TBC1D15: variants seen among roughly 807,000 people sequenced by gnomAD.
TBC1D15 encodes the protein GAP for RAB7.
A neutral mutation model predicts 95.4 loss-of-function variants in TBC1D15; 39 were observed. That is an observed-to-expected ratio of 0.41 (90% CI 0.32 to 0.53). The LOEUF is 0.53. Ranked by LOEUF, TBC1D15 falls within the 20% of genes least tolerant of loss-of-function variation. The pLI is 0.29. For synonymous variants in TBC1D15, 258 were observed against 261.3 expected, an observed-to-expected ratio of 0.99 and a Z score of 0.12; for missense variants, 733 against 794.3, an observed-to-expected ratio of 0.92 and a Z score of 0.93.
At chr12:71,896,338 C>G (rs144410888) in intron 8 of TBC1D15, 1 of 425,200 alleles carries the variant, frequency 2.4e-6, no homozygotes, top group East Asian at 3.9e-5. Context: ...TTCTTCCGTA[C>G]TTGAAGTTCT....
intron 11 of TBC1D15, among the ~76,000 whole-genome samples, chr12:71,909,687 T>C (rs551442932): frequency 2.6e-5 from 4 of 152,290 alleles, no homozygotes; most frequent in Non-Finnish European, 5.9e-5. Flanking sequence ...TTCTTTTTGG[T>C]GTAAGCAAGT....
chr12:71,894,374 A>G (rs140103868), intron 6 of TBC1D15: 1 of 1,612,876 alleles, frequency 6.2e-7, no homozygotes, highest in African/African-American at 1.3e-5. Context: ...CACCACTGGA[A>G]AGTAAGCACT....
At chr12:71,921,321 T>C in intron 15 of TBC1D15, 47 bp from the exon 16 acceptor site, 1 of 1,059,328 alleles carries the variant, frequency 9.4e-7, no homozygotes, top group Non-Finnish European at 1.4e-6. Context: ...TAGAATATAA[T>C]AGTGTATTCA....
intron 5 of TBC1D15, among the ~76,000 whole-genome samples, chr12:71,892,693 T>G (rs766764007): frequency 4.0e-5 from 6 of 151,788 alleles, no homozygotes; most frequent in Non-Finnish European, 7.4e-5. Context: ...GTTAGCATGA[T>G]TAATGATCTT....
chr12:71,842,408 G>A (rs1019014291), intron 1 of TBC1D15, among the ~76,000 whole-genome samples: 1 of 152,178 alleles, frequency 6.6e-6, no homozygotes, highest in Non-Finnish European at 1.5e-5. Flanking sequence ...GGATTAATGA[G>A]TAAATATATT....
intron 6 of TBC1D15, chr12:71,894,409 A>G: frequency 1.2e-6 from 2 of 1,601,544 alleles, no homozygotes; most frequent in African/African-American, 1.3e-5. Context: ...ATGTATGCAG[A>G]TTGAGTGAAG....
chr12:71,912,363 A>G (rs950164153), intron 11 of TBC1D15, among the ~76,000 whole-genome samples: 3 of 152,138 alleles, frequency 2.0e-5, no homozygotes, highest in African/African-American at 7.2e-5. Flanking sequence ...GTGCCCTTTT[A>G]TGCTAAATTG....
intron 3 of TBC1D15, among the ~76,000 whole-genome samples, chr12:71,873,645 C>T (rs4760746): frequency 6.6e-6 from 1 of 151,952 alleles, no homozygotes; most frequent in African/African-American, 2.4e-5. Flanking sequence ...GGAACTGCCA[C>T]ACTTTTTCAG....
At chr12:71,908,425 G>C (rs991124604) in intron 11 of TBC1D15, among the ~76,000 whole-genome samples, 2 of 152,148 alleles carry the variant, frequency 1.3e-5, no homozygotes, top group African/African-American at 4.8e-5. Context: ...GATTAGTAAC[G>C]CTTGAGACAT....
chr12:71,914,019 A>G lies in TBC1D15; in HGVS notation c.1401+93A>G, dbSNP rs937542215. ...GGTTGATTTTTATATTTAGCCAACT[A>G]TGATGGAACTTAAAAAAATTACCTC... On this transcript the variant is annotated intron_variant, in intron 12 of 16. Coordinates refer to ENST00000485960, the MANE Select transcript of TBC1D15 (RefSeq NM_001146213.3). The G allele has an allele frequency of 6.0e-5, 55 of 912,342 alleles. No individual in the cohort carries two copies. In the East Asian group the frequency reaches 1.7e-3, roughly 28 times the overall value. The allele number at this position is 912,342 out of a possible 1,614,324, so 56.5% of individuals were successfully genotyped here. A position where few individuals can be genotyped will look rare whatever the true frequency, so the allele number is the denominator to read the frequency against.
At chr12:71,865,634 A>C (rs540102949) in intron 1 of TBC1D15, among the ~76,000 whole-genome samples, 1 of 152,172 alleles carries the variant, frequency 6.6e-6, no homozygotes, top group South Asian at 2.1e-4. Flanking sequence ...CCCCAGGGAG[A>C]GGAGTATCTC....
chr12:71,884,741 A>G (rs1394449888), intron 4 of TBC1D15, 70 bp from the exon 5 acceptor site: 1 of 1,450,322 alleles, frequency 6.9e-7, no homozygotes, highest in East Asian at 2.4e-5. Flanking sequence ...TTAGGCAGTC[A>G]TGGAGAGCAC....
chr12:71,923,649 T>A lies in TBC1D15; in HGVS notation c.*445T>A, dbSNP rs1870243729. On this transcript the variant is annotated 3_prime_UTR_variant, in exon 17 of 17. Transcript: ENST00000485960. ...AATAAAAAATAAAAATAAAAGGATTTTTTTCTCTATTGTTTACGACAGTAC... is the reference window on the plus strand; with the variant it reads ...AATAAAAAATAAAAATAAAAGGATTATTTTCTCTATTGTTTACGACAGTAC... 6.3e-6 allele frequency: 1 copy of A among 158,370 alleles called. No homozygotes were observed. Among genetic ancestry groups the A allele is most frequent in the African/African-American group, 2.4e-5 (1 of 41,488 alleles). 9.8% of individuals were successfully genotyped at this position (158,370 alleles called of 1,614,324 possible).
At chr12:71,843,485 A>G (rs1282473478) in intron 1 of TBC1D15, among the ~76,000 whole-genome samples, 10 of 152,246 alleles carry the variant, frequency 6.6e-5, no homozygotes, top group Non-Finnish European at 1.3e-4. Context: ...TTGTTTTCCT[A>G]GACTGGATCT....
intron 2 of TBC1D15, among the ~76,000 whole-genome samples, chr12:71,872,474 A>G (rs376251701): frequency 2.6e-5 from 4 of 152,332 alleles, no homozygotes; most frequent in African/African-American, 7.2e-5. Context: ...ACATTAGCCT[A>G]CAGTTGGGCA....
At chr12:71,880,752 A>G in intron 4 of TBC1D15, 145 bp downstream of exon 4, 1 of 911,250 alleles carries the variant, frequency 1.1e-6, no homozygotes, top group Non-Finnish European at 1.5e-6. Context: ...TATTTTAGTT[A>G]TATTCCCTTT....
intron 8 of TBC1D15, 70 bp from the exon 9 acceptor site, chr12:71,896,607 T>G (rs1898234558): frequency 8.3e-6 from 11 of 1,325,498 alleles, no homozygotes; most frequent in African/African-American, 1.5e-5. Context: ...CCTTTTTATA[T>G]GCAAGTTTTG....
intron 16 of TBC1D15, 26 bp from the exon 17 acceptor site, chr12:71,922,957 T>G: frequency 6.2e-7 from 1 of 1,609,492 alleles, no homozygotes; most frequent in South Asian, 1.1e-5. Flanking sequence ...TGAAATATGG[T>G]TTTGAGTTTG....
At chr12:71,893,404 A>G in intron 6 of TBC1D15, 80 bp downstream of exon 6, 3 of 904,544 alleles carry the variant, frequency 3.3e-6, no homozygotes, top group South Asian at 3.9e-5. Flanking sequence ...CTCAGAGAGT[A>G]TGCAAAATGA....
Sources: gnomAD v4.1 joint callset for allele counts (sites outside exome capture counted in the v4.1 genomes callset) on GRCh38, gnomAD v4.1.1 for gene constraint, MANE v1.5 for transcripts, NCBI Gene and HGNC (gene_info 2026-07-23, HGNC 2026-07-21) for gene names.